Variants in TCERG1L observed in about 807,000 individuals in gnomAD.
TCERG1L encodes transcription elongation regulator 1 like.
TCERG1L carries 37 observed loss-of-function variants against 56.3 expected under a neutral mutation model. The ratio of observed to expected loss-of-function variants is 0.66; its 90% CI spans 0.51 to 0.87. TCERG1L has a LOEUF of 0.87. Among genes scored for constraint, TCERG1L ranks in the 40% least tolerant of loss-of-function variants. The pLI, the probability that TCERG1L is intolerant of heterozygous loss-of-function variation, is 0.00. For missense variants in TCERG1L, 799 were observed against 774.2 expected (o/e 1.03, Z -0.38); for synonymous variants, 324 against 326.3 (o/e 0.99, Z 0.08).
At chr10:131,191,130 A>AAAAC (rs1231125901) in intron 4 of TCERG1L, among the ~76,000 whole-genome samples, 1 of 144,286 alleles carries the variant, frequency 6.9e-6, no homozygotes, top group Non-Finnish European at 1.5e-5. Context: ...CTGCAAAACA[A>AAAAC]AAACAAACAA....
chr10:131,177,764 G>C (rs926892231), intron 4 of TCERG1L, among the ~76,000 whole-genome samples: 1 of 151,970 alleles, frequency 6.6e-6, no homozygotes, highest in Non-Finnish European at 1.5e-5. Flanking sequence ...CTAAGGTCAC[G>C]GCAGGAGGCT....
At chr10:131,107,156 G>T (rs1417564136) in intron 9 of TCERG1L, among the ~76,000 whole-genome samples, 1 of 152,098 alleles carries the variant, frequency 6.6e-6, no homozygotes, top group African/African-American at 2.4e-5. Context: ...GGGAGCATCT[G>T]GGGCCGTTAG....
At chr10:131,172,912 G>A (rs1161096749) in intron 4 of TCERG1L, among the ~76,000 whole-genome samples, 1 of 137,206 alleles carries the variant, frequency 7.3e-6, no homozygotes, top group Non-Finnish European at 1.6e-5. Context: ...TTTTTGAGAT[G>A]GAGTTTTGCT....
intron 3 of TCERG1L, among the ~76,000 whole-genome samples, chr10:131,293,176 T>C (rs1195622210): frequency 6.6e-6 from 1 of 152,156 alleles, no homozygotes; most frequent in East Asian, 1.9e-4. Flanking sequence ...AAATCGTCAA[T>C]GCCTGCCTTT....
At chr10:131,097,036 C>A (rs2133377552) in intron 11 of TCERG1L, among the ~76,000 whole-genome samples, 1 of 151,842 alleles carries the variant, frequency 6.6e-6, no homozygotes, top group South Asian at 2.1e-4. Context: ...CCCATCTCTA[C>A]TAAAAATACA....
chr10:131,205,755 C>T lies in TCERG1L; in HGVS notation c.857-38870G>A, dbSNP rs749747636. Among the ~76,000 whole-genome samples the T allele has an allele frequency of 4.6e-4, 70 of 152,206 alleles. 1 individual carries two copies. The highest frequency in any genetic ancestry group is 5.6e-4 in the Non-Finnish European group (38 of 68,032). On this transcript the variant is annotated intron_variant, in intron 4 of 11. Transcript: ENST00000368642. ...GTCACCTGGTCTTGGAGGCTCAGCACGGCGGACCTCATCCTTCCTAAGAGG... is the reference window on the plus strand; with the variant it reads ...GTCACCTGGTCTTGGAGGCTCAGCATGGCGGACCTCATCCTTCCTAAGAGG...
intron 5 of TCERG1L, among the ~76,000 whole-genome samples, chr10:131,163,654 C>T (rs1045398460): frequency 4.6e-5 from 7 of 151,808 alleles, no homozygotes; most frequent in Admixed American, 6.6e-5. Context: ...CCTGTTAAGG[C>T]GGGAGGAGGC....
At chr10:131,282,090 C>T (rs2944521) in intron 3 of TCERG1L, among the ~76,000 whole-genome samples, 1 of 147,340 alleles carries the variant, frequency 6.8e-6, no homozygotes, top group Non-Finnish European at 1.5e-5. Flanking sequence ...GAGCGGAGAT[C>T]ACGCCACTGC....
At chr10:131,219,720 T>G (rs1266720833) in intron 4 of TCERG1L, among the ~76,000 whole-genome samples, 1 of 152,168 alleles carries the variant, frequency 6.6e-6, no homozygotes, top group African/African-American at 2.4e-5. Flanking sequence ...CCTGGGGCGT[T>G]CGGGGCTGGA....
chr10:131,158,529 C>T (rs899429019), intron 6 of TCERG1L, among the ~76,000 whole-genome samples: 2 of 152,226 alleles, frequency 1.3e-5, no homozygotes, highest in African/African-American at 4.8e-5. Context: ...ACATCCTTAT[C>T]ATCCCAATTC....
intron 4 of TCERG1L, among the ~76,000 whole-genome samples, chr10:131,222,376 G>A (rs900690948): frequency 6.6e-6 from 1 of 152,200 alleles, no homozygotes; most frequent in African/African-American, 2.4e-5. Context: ...GTGCTGCCCC[G>A]AGGGGCCATG....
At chr10:131,150,747 G>A (rs897661114) in intron 6 of TCERG1L, among the ~76,000 whole-genome samples, 8 of 152,214 alleles carry the variant, frequency 5.3e-5, no homozygotes, top group African/African-American at 1.7e-4. Context: ...TCCTGCGCTA[G>A]GCTGAGGGCA....
intron 4 of TCERG1L, among the ~76,000 whole-genome samples, chr10:131,222,581 T>C (rs1845745735): frequency 6.6e-6 from 1 of 152,226 alleles, no homozygotes; most frequent in African/African-American, 2.4e-5. Context: ...ACATGGTTTC[T>C]TCAGCAAGGT....
intron 3 of TCERG1L, among the ~76,000 whole-genome samples, chr10:131,298,645 C>T (rs1011272627): frequency 6.6e-6 from 1 of 152,212 alleles, no homozygotes; most frequent in Non-Finnish European, 1.5e-5. Flanking sequence ...AACTCCTGAC[C>T]TCAGGTGATC....
chr10:131,217,072 G>A (rs1845677444), intron 4 of TCERG1L, among the ~76,000 whole-genome samples: 1 of 152,154 alleles, frequency 6.6e-6, no homozygotes, highest in African/African-American at 2.4e-5. Flanking sequence ...AGTAGAACAA[G>A]GGTGATATGG....
intron 4 of TCERG1L, among the ~76,000 whole-genome samples, chr10:131,232,194 C>T (rs1332264652): frequency 6.6e-6 from 1 of 152,238 alleles, no homozygotes; most frequent in Non-Finnish European, 1.5e-5. Context: ...CGCTGTCATG[C>T]CCATGAAAAC....
At chr10:131,243,567 G>T (rs1053878366) in intron 4 of TCERG1L, among the ~76,000 whole-genome samples, 17 of 152,156 alleles carry the variant, frequency 1.1e-4, no homozygotes, top group African/African-American at 3.9e-4. Flanking sequence ...GTGAGACTCT[G>T]TCTCAAAAAC....
chr10:131,240,903 C>T (rs1236609735), intron 4 of TCERG1L, among the ~76,000 whole-genome samples: 1 of 152,234 alleles, frequency 6.6e-6, no homozygotes, highest in Non-Finnish European at 1.5e-5. Flanking sequence ...CTGCGAGGGG[C>T]TGCAGCGGCA....
At chr10:131,104,402 C>T (rs779023962) in intron 9 of TCERG1L, 48 bp from the exon 10 acceptor site, 11 of 1,249,624 alleles carry the variant, frequency 8.8e-6, no homozygotes, top group South Asian at 2.6e-5. Flanking sequence ...TAATGCTAAG[C>T]CTGAAGCCGC....
Sources: gnomAD v4.1 joint callset for allele counts (sites outside exome capture counted in the v4.1 genomes callset) on GRCh38, gnomAD v4.1.1 for gene constraint, MANE v1.5 for transcripts, NCBI Gene and HGNC (gene_info 2026-07-23, HGNC 2026-07-21) for gene names.